The following AP3S1 variants were observed in gnomAD, a reference collection of about 807,000 sequenced individuals.
AP3S1 encodes the protein adaptor related protein complex 3 subunit sigma 1.
Under a neutral mutation model 21.3 loss-of-function variants are expected in AP3S1, and 12 were observed. The observed-to-expected ratio is 0.56, with a 90% confidence interval of 0.36 to 0.91. The LOEUF is 0.91. Among genes scored for constraint, AP3S1 ranks in the 40% least tolerant of loss-of-function variants. The pLI, the probability that AP3S1 is intolerant of heterozygous loss-of-function variation, is 0.01. For synonymous variants in AP3S1, 48 were observed against 78.4 expected (o/e 0.61, Z 2.05); for missense variants, 116 against 225.0 (o/e 0.52, Z 3.10).
At chr5:115,859,283 C>T (rs1287330611) in intron 1 of AP3S1, among the ~76,000 whole-genome samples, 3 of 152,192 alleles carry the variant, frequency 2.0e-5, no homozygotes, top group Non-Finnish European at 4.4e-5. Flanking sequence ...GGATAAAGCC[C>T]AGCGTTGGTG....
chr5:115,866,401 C>T (rs911665600), intron 1 of AP3S1, among the ~76,000 whole-genome samples: 1 of 152,052 alleles, frequency 6.6e-6, no homozygotes, highest in South Asian at 2.1e-4. Context: ...GTATGTAATT[C>T]ATCTAATATT....
At chr5:115,893,810 A>T (rs1181103007) in intron 3 of AP3S1, among the ~76,000 whole-genome samples, 1 of 152,150 alleles carries the variant, frequency 6.6e-6, no homozygotes, top group East Asian at 1.9e-4. Flanking sequence ...ATTACATTAT[A>T]ATAATGTTGC....
intron 1 of AP3S1, among the ~76,000 whole-genome samples, chr5:115,853,943 C>T (rs1468507455): frequency 3.9e-5 from 6 of 152,126 alleles, no homozygotes; most frequent in Non-Finnish European, 8.8e-5. Context: ...GCTTCTATAA[C>T]AGAATACTTG....
chr5:115,858,459 G>T (rs1465023604), intron 1 of AP3S1, among the ~76,000 whole-genome samples: 1 of 151,978 alleles, frequency 6.6e-6, no homozygotes, highest in African/African-American at 2.4e-5. Flanking sequence ...TGTTTTTTGG[G>T]CAGAGTTTCT....
intron 1 of AP3S1, 39 bp downstream of exon 1, chr5:115,842,145 T>G: frequency 6.6e-7 from 1 of 1,525,356 alleles, no homozygotes; most frequent in Non-Finnish European, 8.8e-7. Flanking sequence ...CGAGGGGGAG[T>G]CGTTGGCGAC....
chr5:115,847,371 A>G (rs1399791649), intron 1 of AP3S1, among the ~76,000 whole-genome samples: 2 of 152,228 alleles, frequency 1.3e-5, no homozygotes, highest in East Asian at 3.8e-4. Flanking sequence ...TAATCCCAGC[A>G]CGTTGGGAGG....
At chr5:115,876,624 T>A (rs903838797) in intron 3 of AP3S1, among the ~76,000 whole-genome samples, 2 of 152,202 alleles carry the variant, frequency 1.3e-5, no homozygotes, top group Non-Finnish European at 2.9e-5. Flanking sequence ...GTCCTTTTTC[T>A]CATTCTGGAT....
intron 5 of AP3S1, among the ~76,000 whole-genome samples, chr5:115,911,778 T>G (rs1487492953): frequency 6.6e-6 from 1 of 151,268 alleles, no homozygotes; most frequent in African/African-American, 2.4e-5. Flanking sequence ...TCCAACATCT[T>G]TGGGGGAGCA....
intron 4 of AP3S1, among the ~76,000 whole-genome samples, chr5:115,899,197 G>A (rs1398289666): frequency 6.6e-6 from 1 of 152,252 alleles, no homozygotes; most frequent in East Asian, 1.9e-4. Flanking sequence ...TTCCAACCTG[G>A]TCCCTCTTGA....
chr5:115,896,947 A>G (rs1422867987), intron 4 of AP3S1, among the ~76,000 whole-genome samples: 2 of 142,658 alleles, frequency 1.4e-5, no homozygotes, highest in African/African-American at 3.1e-5. Context: ...AGGTTCTTAT[A>G]TTTTTTTTAC....
chr5:115,885,797 T>G (rs987730119), intron 3 of AP3S1, among the ~76,000 whole-genome samples: 5 of 152,252 alleles, frequency 3.3e-5, no homozygotes, highest in Middle Eastern at 3.2e-3. Flanking sequence ...TTTTATCATT[T>G]GATTTAGGTG....
chr5:115,855,264 C>T (rs1196967704), intron 1 of AP3S1, among the ~76,000 whole-genome samples: 2 of 151,894 alleles, frequency 1.3e-5, no homozygotes, highest in Non-Finnish European at 2.9e-5. Context: ...GTTTTGAACT[C>T]CTGACCTCAA....
chr5:115,911,644 T>A lies in AP3S1; in HGVS notation c.454-1718T>A, dbSNP rs1217170403. 2.0e-5 allele frequency among the ~76,000 whole-genome samples: 3 copies of A among 152,076 alleles called. No individual in the cohort carries two copies. In the East Asian group the frequency reaches 5.8e-4, roughly 29 times the overall value. ...CCAAAAGATGGTAAACCTCTTTGAA[T>A]TGGATTCTTCTTTGATCCCAACCCA... On this transcript the variant is annotated intron_variant, in intron 5 of 5. Coordinates refer to ENST00000316788, the MANE Select transcript of AP3S1 (RefSeq NM_001284.4).
At chr5:115,868,010 A>G (rs1418013857) in intron 2 of AP3S1, among the ~76,000 whole-genome samples, 1 of 152,170 alleles carries the variant, frequency 6.6e-6, no homozygotes, top group Non-Finnish European at 1.5e-5. Context: ...TTCCTTGGAC[A>G]GGTTACTTAA....
At chr5:115,865,652 C>G (rs2112824895) in intron 1 of AP3S1, among the ~76,000 whole-genome samples, 1 of 152,240 alleles carries the variant, frequency 6.6e-6, no homozygotes, top group East Asian at 1.9e-4. Context: ...ACATGTGGAG[C>G]TATCTCATTG....
chr5:115,845,483 C>T (rs1007879900), intron 1 of AP3S1, among the ~76,000 whole-genome samples: 11 of 152,080 alleles, frequency 7.2e-5, no homozygotes, highest in Non-Finnish European at 1.2e-4. Flanking sequence ...TAGGAAGTTG[C>T]GCACCTGTTT....
chr5:115,879,615 G>A (rs1341768766), intron 3 of AP3S1, among the ~76,000 whole-genome samples: 1 of 152,132 alleles, frequency 6.6e-6, no homozygotes, highest in Non-Finnish European at 1.5e-5. Flanking sequence ...TTTTATTGAG[G>A]ATTTTCGCAT....
intron 5 of AP3S1, chr5:115,907,033 G>A (rs1166095989): frequency 2.6e-5 from 25 of 960,520 alleles, no homozygotes; most frequent in Non-Finnish European, 3.0e-5. Flanking sequence ...ATCTTTTATT[G>A]GACTTAGTGT....
chr5:115,881,100 C>T (rs552702116), intron 3 of AP3S1, among the ~76,000 whole-genome samples: 170 of 152,052 alleles, frequency 1.1e-3, no homozygotes, highest in Non-Finnish European at 1.9e-3. Flanking sequence ...TGTCTTTGCA[C>T]GTGAAGGGGT....
Sources: gnomAD v4.1 joint callset for allele counts (sites outside exome capture counted in the v4.1 genomes callset) on GRCh38, gnomAD v4.1.1 for gene constraint, MANE v1.5 for transcripts, NCBI Gene and HGNC (gene_info 2026-07-23, HGNC 2026-07-21) for gene names.